The following SAMD12 variants were observed in gnomAD, a reference collection of about 807,000 sequenced individuals.
SAMD12 encodes sterile alpha motif domain-containing protein 12.
A neutral mutation model predicts 15.0 loss-of-function variants in SAMD12; 9 were observed. The ratio of observed to expected loss-of-function variants is 0.60; its 90% CI spans 0.36 to 1.05. The LOEUF (loss-of-function observed/expected upper bound fraction) is 1.05. SAMD12 is among the 50% of genes least tolerant of loss of function. The pLI, the probability that SAMD12 is intolerant of heterozygous loss-of-function variation, is 0.01. For missense variants in SAMD12, 230 were observed against 234.2 expected, an observed-to-expected ratio of 0.98 and a Z score of 0.12; for synonymous variants, 86 against 90.1, an observed-to-expected ratio of 0.96 and a Z score of 0.25.
At chr8:118,444,537 CTTTT>C (rs753468369) in intron 2 of SAMD12, among the ~76,000 whole-genome samples, 1 of 140,864 alleles carries the variant, frequency 7.1e-6, no homozygotes, top group African/African-American at 2.6e-5. Flanking sequence ...TTGCAAATTA[CTTTT>C]TTTTTTTTTT....
chr8:118,151,615 T>G, the SAMD12 span, among the ~76,000 whole-genome samples: 1 of 151,628 alleles, frequency 6.6e-6, no homozygotes, highest in Non-Finnish European at 1.5e-5. Flanking sequence ...GATCACAAGG[T>G]CAGGAGATCG....
chr8:118,421,460 A>C (rs1821992026), intron 3 of SAMD12, among the ~76,000 whole-genome samples: 1 of 152,192 alleles, frequency 6.6e-6, no homozygotes, highest in African/African-American at 2.4e-5. Flanking sequence ...TGTATCTATC[A>C]ATGTCACCAA....
chr8:118,270,409 A>G (rs933849688), intron 4 of SAMD12, among the ~76,000 whole-genome samples: 4 of 152,140 alleles, frequency 2.6e-5, no homozygotes, highest in African/African-American at 9.7e-5. Flanking sequence ...TCCTCTTGCT[A>G]TATATTTCCA....
At chr8:118,311,446 C>G (rs561876870) in intron 4 of SAMD12, among the ~76,000 whole-genome samples, 38 of 152,292 alleles carry the variant, frequency 2.5e-4, no homozygotes, top group African/African-American at 9.1e-4. Context: ...AACAGAAACT[C>G]TCTGGCCTAC....
At chr8:118,340,228 C>T (rs1195750079) in intron 4 of SAMD12, among the ~76,000 whole-genome samples, 2 of 152,132 alleles carry the variant, frequency 1.3e-5, no homozygotes, top group African/African-American at 2.4e-5. Context: ...GCTGAGCTGT[C>T]TTATTCATAG....
At chr8:118,346,482 C>A (rs1433377184) in intron 4 of SAMD12, among the ~76,000 whole-genome samples, 1 of 152,160 alleles carries the variant, frequency 6.6e-6, no homozygotes, top group Non-Finnish European at 1.5e-5. Flanking sequence ...ACCAAAAGCC[C>A]AGAATAATTA....
chr8:118,192,665 C>T (rs183663493), exon 5 of SAMD12: 5 of 152,132 alleles, frequency 3.3e-5, no homozygotes, highest in African/African-American at 1.2e-4. Context: ...CCATTGGCTC[C>T]AATTTATGAA....
chr8:118,582,398 A>AAATATTCAAATAT (rs1181818551), intron 1 of SAMD12, among the ~76,000 whole-genome samples: 4 of 152,172 alleles, frequency 2.6e-5, no homozygotes, highest in Non-Finnish European at 4.4e-5. Flanking sequence ...ACAGCTCTAC[A>AAATATTCAAATAT]CCTAACATAC....
At chr8:118,374,914 C>A (rs1001938512), downstream of SAMD12, among the ~76,000 whole-genome samples, 2 of 150,190 alleles carry the variant, frequency 1.3e-5, no homozygotes, top group African/African-American at 4.9e-5. Flanking sequence ...TATATATTTT[C>A]TATTCTGTGT....
exon 5 of SAMD12, chr8:118,191,969 T>C (rs1206125955): frequency 6.6e-6 from 1 of 150,812 alleles, no homozygotes; most frequent in Non-Finnish European, 1.5e-5. Flanking sequence ...GTTAGAAAGA[T>C]AATTTCATGG....
chr8:118,474,971 T>A (rs1187287920), intron 2 of SAMD12, among the ~76,000 whole-genome samples: 1 of 152,068 alleles, frequency 6.6e-6, no homozygotes, highest in Non-Finnish European at 1.5e-5. Context: ...GGGCATGGTG[T>A]CTCACACCTG....
chr8:118,593,554 C>A (rs1563602280), intron 1 of SAMD12, among the ~76,000 whole-genome samples: 1 of 152,148 alleles, frequency 6.6e-6, no homozygotes, highest in Non-Finnish European at 1.5e-5. Flanking sequence ...AGCCACATTT[C>A]TGTAGCCACA....
chr8:118,472,714 A>G (rs916093429), intron 2 of SAMD12, among the ~76,000 whole-genome samples: 1 of 152,140 alleles, frequency 6.6e-6, no homozygotes, highest in Non-Finnish European at 1.5e-5. Flanking sequence ...GAAGAGCAGG[A>G]GGGATTCTAC....
intron 4 of SAMD12, among the ~76,000 whole-genome samples, chr8:118,332,480 G>A (rs1816849731): frequency 6.6e-6 from 1 of 152,204 alleles, no homozygotes; most frequent in Admixed American, 6.5e-5. Context: ...AAAACAGGAT[G>A]TGCAGGTGTC....
chr8:118,149,779 T>A, the SAMD12 span, among the ~76,000 whole-genome samples: 14 of 152,182 alleles, frequency 9.2e-5, no homozygotes, highest in Admixed American at 3.9e-4. Flanking sequence ...TTTATTTTTT[T>A]AATTTTTTTG....
chr8:118,191,412 C>T (rs1486719523), exon 5 of SAMD12: 1 of 151,906 alleles, frequency 6.6e-6, no homozygotes, highest in Non-Finnish European at 1.5e-5. Context: ...CAACACCCAC[C>T]AAAGAGGCCT....
chr8:118,297,298 G>A (rs1404533660), intron 4 of SAMD12, among the ~76,000 whole-genome samples: 1 of 152,114 alleles, frequency 6.6e-6, no homozygotes, highest in Non-Finnish European at 1.5e-5. Flanking sequence ...TCACTATGCA[G>A]TTGCTCTGCA....
chr8:118,143,424 G>C, the SAMD12 span, among the ~76,000 whole-genome samples: 83 of 152,324 alleles, frequency 5.4e-4, 2 homozygotes, highest in East Asian at 0.015. Context: ...TAAGTGACTT[G>C]TCAAAGATCA....
intron 3 of SAMD12, among the ~76,000 whole-genome samples, chr8:118,417,935 T>G (rs1158341793): frequency 6.6e-6 from 1 of 152,244 alleles, no homozygotes; most frequent in Non-Finnish European, 1.5e-5. Flanking sequence ...TCCATTGTTT[T>G]GGACATGAGG....
Sources: allele counts gnomAD v4.1 joint callset (sites outside exome capture counted in the v4.1 genomes callset), GRCh38; gene constraint gnomAD v4.1.1; transcripts MANE v1.5; gene names NCBI Gene and HGNC (gene_info 2026-07-23, HGNC 2026-07-21).